SETBP1: variants seen among roughly 807,000 people sequenced by gnomAD.
SETBP1 encodes SET binding protein 1.
A neutral mutation model predicts 101.0 loss-of-function variants in SETBP1; 9 were observed. That is an observed-to-expected ratio of 0.09 (90% CI 0.05 to 0.16). SETBP1 has a LOEUF of 0.16. SETBP1 is among the 10% of genes least tolerant of loss of function. The pLI, the probability that SETBP1 is intolerant of heterozygous loss-of-function variation, is 1.00. For synonymous variants in SETBP1, 818 were observed against 788.5 expected, an observed-to-expected ratio of 1.04 and a Z score of -0.63; for missense variants, 1,858 against 2,033.8, an observed-to-expected ratio of 0.91 and a Z score of 1.66.
At chr18:44,716,177 C>T (rs1352975977) in intron 2 of SETBP1, among the ~76,000 whole-genome samples, 4 of 152,148 alleles carry the variant, frequency 2.6e-5, no homozygotes, top group East Asian at 3.8e-4. Context: ...TTCATGCTCC[C>T]GGAGGAAAGG....
chr18:44,839,599 C>T (rs2144515957), intron 2 of SETBP1, among the ~76,000 whole-genome samples: 1 of 152,334 alleles, frequency 6.6e-6, no homozygotes, highest in South Asian at 2.1e-4. Flanking sequence ...CTGGAAATAA[C>T]ACCAAGGTTG....
intron 4 of SETBP1, among the ~76,000 whole-genome samples, chr18:44,970,361 G>A (rs2071816461): frequency 6.6e-6 from 1 of 152,160 alleles, no homozygotes; most frequent in African/African-American, 2.4e-5. Context: ...TTATAAAGTT[G>A]TAGCATATGT....
intron 4 of SETBP1, among the ~76,000 whole-genome samples, chr18:44,966,937 C>T (rs1345917190): frequency 6.6e-6 from 1 of 152,202 alleles, no homozygotes; most frequent in Admixed American, 6.5e-5. Context: ...TACACAGGAG[C>T]ATCCAGCACA....
intron 2 of SETBP1, among the ~76,000 whole-genome samples, chr18:44,808,732 A>T (rs1472330210): frequency 6.6e-6 from 1 of 152,214 alleles, no homozygotes; most frequent in African/African-American, 2.4e-5. Flanking sequence ...CCAGGCTAAC[A>T]TGATTCTTGC....
At chr18:44,710,054 G>T (rs543782158) in intron 2 of SETBP1, among the ~76,000 whole-genome samples, 2 of 151,974 alleles carry the variant, frequency 1.3e-5, no homozygotes, top group East Asian at 3.9e-4. Context: ...CCTCATCGTT[G>T]CAATTTTACA....
rs141003454 is a variant in SETBP1 at position 44,716,302 on chromosome 18, C to T, written c.486+14470C>T. 2.0e-3 allele frequency among the ~76,000 whole-genome samples: 309 copies of T among 152,060 alleles called. 4 individuals carry two copies. The highest frequency in any genetic ancestry group is 0.019 in the East Asian group (97 of 5,170). On this transcript the variant is annotated intron_variant, in intron 2 of 5. Coordinates refer to ENST00000649279, the MANE Select transcript of SETBP1 (RefSeq NM_015559.3). ...GGATCCCCTTGTTTAAGAACCTATA[C>T]GTTAATCCCTTGGCAGGAGGAGAAA...
intron 3 of SETBP1, among the ~76,000 whole-genome samples, chr18:44,913,425 T>C (rs1165384288): frequency 6.6e-6 from 1 of 152,188 alleles, no homozygotes; most frequent in African/African-American, 2.4e-5. Context: ...GTAAACTCTC[T>C]GGTTCAGACT....
chr18:44,844,617 T>C (rs770615134), intron 2 of SETBP1, among the ~76,000 whole-genome samples: 19 of 152,218 alleles, frequency 1.2e-4, no homozygotes, highest in Non-Finnish European at 2.4e-4. Context: ...CCCCTCATCA[T>C]GCCTCCACCC....
At chr18:45,022,916 G>C (rs552964321) in intron 4 of SETBP1, among the ~76,000 whole-genome samples, 1 of 152,324 alleles carries the variant, frequency 6.6e-6, no homozygotes, top group East Asian at 1.9e-4. Flanking sequence ...TTGTATCTTA[G>C]TAGCCTCACA....
chr18:44,813,078 A>C (rs1470992821), intron 2 of SETBP1, among the ~76,000 whole-genome samples: 3 of 152,166 alleles, frequency 2.0e-5, no homozygotes, highest in Non-Finnish European at 4.4e-5. Flanking sequence ...TCCACTTAAA[A>C]AAAAAAAGAA....
intron 2 of SETBP1, among the ~76,000 whole-genome samples, chr18:44,835,523 A>G (rs1022022001): frequency 4.6e-5 from 7 of 152,214 alleles, no homozygotes; most frequent in African/African-American, 1.7e-4. Flanking sequence ...TTTTTGTCCC[A>G]TGAATAGTTC....
Position 44,728,381 on chromosome 18 carries a change from A to C in SETBP1, c.486+26549A>C, listed in dbSNP as rs572998851. Among the ~76,000 whole-genome samples the C allele has an allele frequency of 1.2e-4, 18 of 152,260 alleles. No homozygotes were observed. In the East Asian group the frequency reaches 3.3e-3, roughly 28 times the overall value. Reference sequence around the variant, plus strand: ...CAATCTATTAAAAACTACACAAGGCATGCGGGTCTCGGGAAAAAGTCACTG... The same window carrying C: ...CAATCTATTAAAAACTACACAAGGCCTGCGGGTCTCGGGAAAAAGTCACTG... On this transcript the variant is annotated intron_variant, in intron 2 of 5. Transcript: ENST00000649279.
intron 3 of SETBP1, among the ~76,000 whole-genome samples, chr18:44,946,957 A>G (rs2071221295): frequency 6.6e-6 from 1 of 152,210 alleles, no homozygotes; most frequent in Non-Finnish European, 1.5e-5. Context: ...TACATAGATC[A>G]TTGATCTCAC....
At chr18:44,759,285 A>G (rs2070582786) in intron 2 of SETBP1, among the ~76,000 whole-genome samples, 3 of 152,176 alleles carry the variant, frequency 2.0e-5, no homozygotes, top group Admixed American at 6.5e-5. Context: ...TATGTTTTCA[A>G]TCAGCAGACC....
rs139498123 is a variant in SETBP1 at position 44,761,639 on chromosome 18, C to G, written c.486+59807C>G. Among the ~76,000 whole-genome samples, 369 of 152,280 alleles carry G rather than the reference C, an allele frequency of 2.4e-3. 1 individual carries two copies. The highest frequency in any genetic ancestry group is 1.7e-3 in the Non-Finnish European group (114 of 68,020). On this transcript the variant is annotated intron_variant, in intron 2 of 5. Coordinates refer to ENST00000649279, the MANE Select transcript of SETBP1 (RefSeq NM_015559.3). Reference sequence around the variant, plus strand: ...CTTGAGTAAGGGCAGCCATAGATTACAGTGCTCTTATTGGATCTATGTTGT... The same window carrying G: ...CTTGAGTAAGGGCAGCCATAGATTAGAGTGCTCTTATTGGATCTATGTTGT...
At chr18:44,942,915 T>A (rs921562713) in intron 3 of SETBP1, among the ~76,000 whole-genome samples, 5 of 152,194 alleles carry the variant, frequency 3.3e-5, no homozygotes, top group Non-Finnish European at 7.3e-5. Context: ...TTTATGGGAA[T>A]AACATCCAGG....
At chr18:44,886,789 T>TATA (rs1186347519) in intron 3 of SETBP1, among the ~76,000 whole-genome samples, 3 of 148,538 alleles carry the variant, frequency 2.0e-5, no homozygotes, top group African/African-American at 7.4e-5. Context: ...TTATTATTAT[T>TATA]ATTAGTTAAA....
chr18:44,848,023 G>T (rs2072757957), intron 2 of SETBP1, among the ~76,000 whole-genome samples: 1 of 151,836 alleles, frequency 6.6e-6, no homozygotes, highest in Non-Finnish European at 1.5e-5. Flanking sequence ...AATGCTTCAG[G>T]GCCAGACCTC....
At chr18:44,805,438 G>A (rs1354582157) in intron 2 of SETBP1, among the ~76,000 whole-genome samples, 1 of 151,840 alleles carries the variant, frequency 6.6e-6, no homozygotes, top group Non-Finnish European at 1.5e-5. Flanking sequence ...GTGTGTGGGT[G>A]TGTTTGTACG....
Sources: allele counts gnomAD v4.1 joint callset (sites outside exome capture counted in the v4.1 genomes callset), GRCh38; gene constraint gnomAD v4.1.1; transcripts MANE v1.5; gene names NCBI Gene and HGNC (gene_info 2026-07-23, HGNC 2026-07-21).